CAST: variants seen among roughly 807,000 people sequenced by gnomAD.
The protein encoded by CAST is MIR583 host.
In CAST, 76 loss-of-function variants were observed where a neutral mutation model predicts 119.6. The observed-to-expected ratio is 0.64, with a 90% CI of 0.53 to 0.77. The LOEUF is 0.77. Among genes scored for constraint, CAST ranks in the 30% least tolerant of loss-of-function variants. The pLI is 0.00. For synonymous variants in CAST, 319 were observed against 331.6 expected, an observed-to-expected ratio of 0.96 and a Z score of 0.41; for missense variants, 953 against 946.5, an observed-to-expected ratio of 1.01 and a Z score of -0.09.
the CAST span, among the ~76,000 whole-genome samples, chr5:96,021,635 G>A: frequency 7.2e-4 from 109 of 151,930 alleles, 1 homozygote; most frequent in South Asian, 2.3e-3. Flanking sequence ...TTTAGTAGAG[G>A]CGGGGTTTCA....
At chr5:96,433,189 G>T in the CAST span, 3 of 766,060 alleles carry the variant, frequency 3.9e-6, no homozygotes, top group African/African-American at 1.7e-5. Flanking sequence ...TAGGAGGCGC[G>T]AGAGGAGAGG....
At chr5:96,696,080 G>T in intron 3 of CAST, 173 bp downstream of exon 3, 1 of 389,218 alleles carries the variant, frequency 2.6e-6, no homozygotes, top group Middle Eastern at 4.1e-4. Context: ...TGATGTGAAT[G>T]ATTTAAAACC....
chr5:96,348,991 A>G, the CAST span, among the ~76,000 whole-genome samples: 1 of 152,124 alleles, frequency 6.6e-6, no homozygotes, highest in Non-Finnish European at 1.5e-5. Context: ...GTTTCTGAAG[A>G]GTAAAATGAA....
At chr5:96,169,259 A>G in the CAST span, among the ~76,000 whole-genome samples, 3,730 of 152,274 alleles carry the variant, frequency 0.024, 165 homozygotes, top group African/African-American at 0.085. Context: ...GAAGCCTTGC[A>G]GCAGTACAGC....
chr5:96,242,927 A>G, the CAST span, among the ~76,000 whole-genome samples: 1 of 152,236 alleles, frequency 6.6e-6, no homozygotes, highest in African/African-American at 2.4e-5. Flanking sequence ...ATATGCTGAA[A>G]TCATTGAGGT....
chr5:96,586,511 G>A (rs1490730399), intron 1 of CAST, among the ~76,000 whole-genome samples: 1 of 152,174 alleles, frequency 6.6e-6, no homozygotes, highest in African/African-American at 2.4e-5. Flanking sequence ...CCTATCCTGG[G>A]AGTTCAATGT....
chr5:96,497,209 C>T, the CAST span, among the ~76,000 whole-genome samples: 1 of 152,086 alleles, frequency 6.6e-6, no homozygotes, highest in Admixed American at 6.5e-5. Context: ...TTTATGGCTA[C>T]ATAGTATTCC....
At chr5:96,561,014 A>G (rs1036098215) in intron 1 of CAST, among the ~76,000 whole-genome samples, 4 of 152,210 alleles carry the variant, frequency 2.6e-5, no homozygotes, top group African/African-American at 9.6e-5. Flanking sequence ...ATGGAATACT[A>G]TGCAGCCATA....
At chr5:96,364,431 C>T in the CAST span, among the ~76,000 whole-genome samples, 9 of 151,730 alleles carry the variant, frequency 5.9e-5, no homozygotes, top group South Asian at 8.3e-4. Flanking sequence ...TTGTAGAATT[C>T]GGCTGTGAAT....
the CAST span, among the ~76,000 whole-genome samples, chr5:95,982,093 C>A: frequency 6.7e-6 from 1 of 150,098 alleles, no homozygotes; most frequent in East Asian, 2.0e-4. Context: ...AGATGTAATA[C>A]ATTTTATATG....
rs146386024 is a variant in CAST, at chr5:96,774,179, G to GA, written c.*1568dup. On this transcript the variant is annotated 3_prime_UTR_variant, in exon 32 of 32. Transcript: ENST00000675179. ...TTGCTTTTTTGTTTTCTTTTTTTAA[G>GA]AAAAACCTTGAAACCTTTGACACTG... 0.012 allele frequency: 1,863 copies of GA among 153,828 alleles called. 34 individuals are homozygous for GA. The highest frequency in any genetic ancestry group is 0.043 in the African/African-American group (1,778 of 41,492). 9.5% of individuals were successfully genotyped at this position (153,828 alleles called of 1,614,324 possible).
the CAST span, among the ~76,000 whole-genome samples, chr5:96,107,199 A>G: frequency 6.6e-6 from 1 of 152,064 alleles, no homozygotes; most frequent in Non-Finnish European, 1.5e-5. Flanking sequence ...TGTGTTTTTT[A>G]ATTGGAGCAT....
the CAST span, among the ~76,000 whole-genome samples, chr5:96,326,038 G>A: frequency 3.2e-4 from 48 of 152,214 alleles, no homozygotes; most frequent in Non-Finnish European, 6.3e-4. Context: ...CACCCAACTT[G>A]CTCGTTCAGT....
the CAST span, among the ~76,000 whole-genome samples, chr5:96,454,997 T>G: frequency 6.6e-6 from 1 of 152,242 alleles, no homozygotes; most frequent in African/African-American, 2.4e-5. Context: ...TTTGTGATAG[T>G]GTTAAAATTT....
At chr5:96,171,345 G>T in the CAST span, among the ~76,000 whole-genome samples, 1 of 152,152 alleles carries the variant, frequency 6.6e-6, no homozygotes, top group African/African-American at 2.4e-5. Flanking sequence ...TGAGAACACA[G>T]GCTAAGGGAG....
chr5:96,471,113 A>G, the CAST span, among the ~76,000 whole-genome samples: 4 of 152,190 alleles, frequency 2.6e-5, no homozygotes. Context: ...AATTTGACTG[A>G]TAGTCACAAA....
chr5:96,140,041 A>G, the CAST span, among the ~76,000 whole-genome samples: 1 of 152,238 alleles, frequency 6.6e-6, no homozygotes, highest in Non-Finnish European at 1.5e-5. Flanking sequence ...TTTGTAGTTC[A>G]GCACACACAG....
intron 29 of CAST, chr5:96,768,395 TA>T (rs1411076630): frequency 4.4e-6 from 2 of 456,416 alleles, no homozygotes; most frequent in Non-Finnish European, 8.8e-6. Flanking sequence ...TTACAATTTT[TA>T]AACTGTAGAA....
the CAST span, among the ~76,000 whole-genome samples, chr5:96,117,097 A>G: frequency 6.6e-6 from 1 of 152,280 alleles, no homozygotes; most frequent in African/African-American, 2.4e-5. Context: ...CTGCTTTCCA[A>G]TGGCTTCATT....
Sources: allele counts gnomAD v4.1 joint callset (sites outside exome capture counted in the v4.1 genomes callset), GRCh38; gene constraint gnomAD v4.1.1; transcripts MANE v1.5; gene names NCBI Gene and HGNC (gene_info 2026-07-23, HGNC 2026-07-21).